SFI1: variants seen among roughly 807,000 people sequenced by gnomAD.
SFI1 encodes SFI1 centrin binding protein.
SFI1 carries 195 observed loss-of-function variants against 207.5 expected under a neutral mutation model. The ratio of observed to expected loss-of-function variants is 0.94; its 90% CI spans 0.84 to 1.06. The LOEUF is 1.06. Among genes scored for constraint, SFI1 ranks in the 50% least tolerant of loss-of-function variants. The pLI is 0.00. For synonymous variants in SFI1, 630 were observed against 598.9 expected (o/e 1.05, Z -0.76); for missense variants, 1,634 against 1,588.0 (o/e 1.03, Z -0.49).
chr22:31,564,077 C>T (rs1459390586), intron 8 of SFI1, among the ~76,000 whole-genome samples: 1 of 151,602 alleles, frequency 6.6e-6, no homozygotes, highest in African/African-American at 2.4e-5. Flanking sequence ...CCTGTAATCC[C>T]AGCACTTTGG....
intron 15 of SFI1, among the ~76,000 whole-genome samples, chr22:31,601,186 C>G (rs189368471): frequency 1.8e-4 from 26 of 144,044 alleles, no homozygotes; most frequent in Middle Eastern, 3.7e-3. Context: ...TGCAGTGGCA[C>G]GATCTCGGCT....
At chr22:31,583,995 T>C (rs373145543) in intron 13 of SFI1, 23 bp downstream of exon 13, 33 of 1,593,292 alleles carry the variant, frequency 2.1e-5, no homozygotes, top group Non-Finnish European at 2.8e-5. Flanking sequence ...GTTTCATCCC[T>C]GGCTCTCAGG....
At chr22:31,499,984 TAA>T (rs77752661) in intron 1 of SFI1, among the ~76,000 whole-genome samples, 7 of 117,810 alleles carry the variant, frequency 5.9e-5, no homozygotes, top group Admixed American at 9.1e-5. Context: ...GACTCCATCT[TAA>T]AAAAAAAAAA....
At chr22:31,589,793 T>G (rs1047825815) in intron 15 of SFI1, among the ~76,000 whole-genome samples, 77 of 151,934 alleles carry the variant, frequency 5.1e-4, no homozygotes, top group East Asian at 9.7e-4. Context: ...TTTATTTATT[T>G]TTTTTGTGTG....
At chr22:31,591,478 T>G (rs1216863094) in intron 15 of SFI1, among the ~76,000 whole-genome samples, 1 of 152,070 alleles carries the variant, frequency 6.6e-6, no homozygotes, top group East Asian at 1.9e-4. Flanking sequence ...CAATGAGCTA[T>G]TGGGCACACC....
intron 12 of SFI1, among the ~76,000 whole-genome samples, chr22:31,582,202 CATTT>C (rs375498834): frequency 0.07 from 2,886 of 41,452 alleles, 206 homozygotes; most frequent in African/African-American, 0.09. Context: ...TTCTTTATTA[CATTT>C]TATATATATA....
chr22:31,602,048 G>A (rs528087332), intron 15 of SFI1, among the ~76,000 whole-genome samples, 164 bp from the exon 16 acceptor site: 1 of 152,282 alleles, frequency 6.6e-6, no homozygotes, highest in East Asian at 1.9e-4. Flanking sequence ...GCCTCCCAAA[G>A]TATTAGGATT....
chr22:31,516,712 C>T lies in SFI1; in HGVS notation c.92+8336C>T, dbSNP rs1022593874. Among the ~76,000 whole-genome samples the T allele has an allele frequency of 5.3e-4, 81 of 151,480 alleles. 2 individuals carry two copies. Among genetic ancestry groups the T allele is most frequent in the Non-Finnish European group, 3.5e-4 (24 of 67,804 alleles). On this transcript the variant is annotated intron_variant, in intron 2 of 32. Coordinates refer to ENST00000400288, the MANE Select transcript of SFI1 (RefSeq NM_001007467.3). ...GTTCATGCCTGTAATCCCAGCACTT[C>T]GGGAGGCTGAGGTGGGCGGATCACC...
At chr22:31,553,425 G>A (rs1268084159) in intron 6 of SFI1, among the ~76,000 whole-genome samples, 7 of 150,944 alleles carry the variant, frequency 4.6e-5, no homozygotes, top group East Asian at 2.0e-4. Flanking sequence ...GCGCAATCTC[G>A]GCTCACTGCA....
At position 31,580,300 on chromosome 22, in the gene SFI1, A is replaced by G. The variant is rs1191732061; in HGVS notation, c.1184A>G (p.Asn395Ser). The G allele has an allele frequency of 1.2e-6, 2 of 1,613,934 alleles. No homozygotes were observed. Among genetic ancestry groups the G allele is most frequent in the Non-Finnish European group, 8.5e-7 (1 of 1,179,950 alleles). The change falls in exon 12 of 33, where the codon AAT becomes AGT. Residue 395 changes from asparagine (N) to serine (S), a missense_variant. Asn to Ser is a conservative substitution (Grantham distance 46). Transcript: ENST00000400288. ...LYFCFRALKD[N>S]VTHAHLQQIR... ...TTTTGCTTTAGAGCCCTAAAAGACA[A>G]TGTGACCCACGCTCATCTCCAGCAA...
rs779587435 is a variant in SFI1 at position 31,561,391 on chromosome 22, A to T, written c.764A>T (p.Gln255Leu). The T allele has an allele frequency of 6.2e-7, 1 of 1,612,556 alleles. No homozygotes were observed. Among genetic ancestry groups the T allele is most frequent in the Non-Finnish European group, 8.5e-7 (1 of 1,179,414 alleles). Residue 255 changes from glutamine to leucine, a missense_variant and splice_region_variant, in exon 8 of 33, where the codon CAG becomes CTG. Physicochemically the swap from Gln to Leu is moderately radical, Grantham distance 113. Transcript: ENST00000400288. Reference protein sequence around the residue: ...LKHRALSLQVQAWSQWREQLL... With the variant: ...LKHRALSLQVLAWSQWREQLL... ...CACAGGGCCCTGAGCCTCCAGGTGC[A>T]GGTGAGTCCAGCAGACGTGGGATTT...
At chr22:31,569,674 G>A (rs181046223) in intron 8 of SFI1, among the ~76,000 whole-genome samples, 4 of 152,268 alleles carry the variant, frequency 2.6e-5, no homozygotes, top group Admixed American at 1.3e-4. Flanking sequence ...AGAGCCAGGC[G>A]TGGTGGCAGA....
At chr22:31,617,903 G>A (rs1027221985) in intron 31 of SFI1, among the ~76,000 whole-genome samples, 6 of 152,144 alleles carry the variant, frequency 3.9e-5, no homozygotes, top group African/African-American at 1.2e-4. Flanking sequence ...CTGAGTTGCT[G>A]TCTGCTGGGG....
intron 2 of SFI1, among the ~76,000 whole-genome samples, chr22:31,519,605 T>A (rs1410780328): frequency 6.6e-6 from 1 of 151,660 alleles, no homozygotes; most frequent in African/African-American, 2.4e-5. Flanking sequence ...CCCAGCTAAT[T>A]TTTTGTATTT....
chr22:31,512,077 C>T (rs1008144933), intron 2 of SFI1, among the ~76,000 whole-genome samples: 1 of 152,146 alleles, frequency 6.6e-6, no homozygotes, highest in African/African-American at 2.4e-5. Flanking sequence ...CGCAGTGGCT[C>T]ACGCCTGTAA....
chr22:31,569,782 T>C (rs1477393746), intron 8 of SFI1, among the ~76,000 whole-genome samples: 1 of 151,902 alleles, frequency 6.6e-6, no homozygotes, highest in Non-Finnish European at 1.5e-5. Context: ...ACCCTGTCTC[T>C]ACAAAAAATA....
At chr22:31,533,086 C>T (rs1471960727) in intron 4 of SFI1, among the ~76,000 whole-genome samples, 1 of 152,204 alleles carries the variant, frequency 6.6e-6, no homozygotes, top group Non-Finnish European at 1.5e-5. Flanking sequence ...CCCTCTCGGG[C>T]TCCTTCACAG....
chr22:31,606,547 G>T, intron 21 of SFI1, 117 bp downstream of exon 21: 1 of 739,514 alleles, frequency 1.4e-6, no homozygotes, highest in Non-Finnish European at 2.2e-6. Flanking sequence ...CCTAGAAAAT[G>T]GGTAACTTTC....
Position 31,508,309 on chromosome 22 carries a change from T to G in SFI1, c.25T>G (p.Cys9Gly), listed in dbSNP as rs774066311. ...CATGAAGAATCTGCTCACTGAGAAG[T>G]GTATATCAAGCCACAATTTCCATCA... MKNLLTEKCISSHNFHQKV... is the reference protein window; with the variant it reads MKNLLTEKGISSHNFHQKV... The change falls in exon 2 of 33, where the codon TGT becomes GGT. Residue 9 changes from cysteine (C) to glycine (G), a missense_variant. Transcript: ENST00000400288. 45 of 1,612,762 alleles carry G rather than the reference T, an allele frequency of 2.8e-5. No individual in the cohort carries two copies. The highest frequency in any genetic ancestry group is 3.6e-5 in the Non-Finnish European group (42 of 1,179,196).
Sources: allele counts gnomAD v4.1 joint callset (sites outside exome capture counted in the v4.1 genomes callset), GRCh38; gene constraint gnomAD v4.1.1; transcripts MANE v1.5; gene names NCBI Gene and HGNC (gene_info 2026-07-23, HGNC 2026-07-21).